The following IGHMBP2 variants were observed in gnomAD, a reference collection of about 807,000 sequenced individuals.
IGHMBP2 encodes immunoglobulin mu DNA binding protein 2.
A neutral mutation model predicts 96.0 loss-of-function variants in IGHMBP2; 81 were observed. That is an observed-to-expected ratio of 0.84 (90% CI 0.71 to 1.01). The LOEUF (loss-of-function observed/expected upper bound fraction) is 1.01, where lower values mean the gene tolerates loss of function less well. Among genes scored for constraint, IGHMBP2 ranks in the 50% least tolerant of loss-of-function variants. The probability of loss-of-function intolerance (pLI) is 0.00; values close to 1 mark genes in which losing one functional copy is unlikely to be tolerated. For missense variants in IGHMBP2, 1,227 were observed against 1,306.3 expected (o/e 0.94, Z 0.94); for synonymous variants, 557 against 548.9 (o/e 1.01, Z -0.21).
rs142133560 is a variant in IGHMBP2, at chr11:68,907,866, T to C, written c.257-279T>C. Reference sequence around the variant, plus strand: ...CACCACGCCTGGCTAATTTTTTGTATTTTTAGTAGAGACGGGCTTTCACTG... The same window carrying C: ...CACCACGCCTGGCTAATTTTTTGTACTTTTAGTAGAGACGGGCTTTCACTG... On this transcript the variant is annotated intron_variant, in intron 2 of 14. Coordinates refer to ENST00000255078, the MANE Select transcript of IGHMBP2 (RefSeq NM_002180.3). 0.018 allele frequency among the ~76,000 whole-genome samples: 2,792 copies of C among 152,202 alleles called. 47 individuals carry two copies. The highest frequency in any genetic ancestry group is 0.028 in the Non-Finnish European group (1,917 of 67,992).
chr11:68,939,282 C>T (rs1300762476), intron 14 of IGHMBP2, among the ~76,000 whole-genome samples: 3 of 152,004 alleles, frequency 2.0e-5, no homozygotes, highest in East Asian at 3.9e-4. Flanking sequence ...GGGAAGTGGC[C>T]GCAGGGACCG....
intron 11 of IGHMBP2, among the ~76,000 whole-genome samples, 183 bp downstream of exon 11, chr11:68,934,741 C>T (rs1024048597): frequency 2.6e-5 from 4 of 152,188 alleles, no homozygotes; most frequent in African/African-American, 9.7e-5. Context: ...TGTTCGTCTG[C>T]CCGCCCCACC....
At chr11:68,938,105 T>C in intron 13 of IGHMBP2, 77 bp from the exon 14 acceptor site, 1 of 1,500,188 alleles carries the variant, frequency 6.7e-7, no homozygotes. Context: ...TGCTTAGCCA[T>C]GAATTGATTT....
chr11:68,916,362 G>A (rs1341180857), intron 6 of IGHMBP2, among the ~76,000 whole-genome samples: 2 of 152,140 alleles, frequency 1.3e-5, no homozygotes, highest in African/African-American at 2.4e-5. Flanking sequence ...TAGGGTGGTG[G>A]TAGGTTTCTT....
intron 8 of IGHMBP2, among the ~76,000 whole-genome samples, chr11:68,931,360 T>G (rs1470552824): frequency 2.0e-5 from 3 of 152,108 alleles, no homozygotes; most frequent in Non-Finnish European, 4.4e-5. Context: ...GCCAGGCTCC[T>G]GCTTGTTCCC....
At chr11:68,909,241 A>G (rs1858336693) in intron 4 of IGHMBP2, among the ~76,000 whole-genome samples, 1 of 138,560 alleles carries the variant, frequency 7.2e-6, no homozygotes, top group African/African-American at 2.7e-5. Flanking sequence ...GTATAGTGGC[A>G]TGATCTTGGC....
intron 8 of IGHMBP2, among the ~76,000 whole-genome samples, chr11:68,932,088 G>A (rs371783880): frequency 2.0e-5 from 3 of 147,936 alleles, no homozygotes; most frequent in African/African-American, 7.5e-5. Context: ...ATTGGGTGGC[G>A]TTCCCTGGAG....
At chr11:68,910,655 C>T (rs1044077566) in intron 4 of IGHMBP2, among the ~76,000 whole-genome samples, 16 of 152,118 alleles carry the variant, frequency 1.1e-4, no homozygotes, top group Middle Eastern at 6.8e-3. Context: ...AGGCTGAGGC[C>T]GGCAGATCAT....
chr11:68,930,361 C>G (rs1034015928), intron 8 of IGHMBP2: 1 of 1,289,696 alleles, frequency 7.8e-7, no homozygotes, highest in Middle Eastern at 2.1e-4. Flanking sequence ...TTCCGAGGAC[C>G]GGAAGAAGAT....
At chr11:68,919,508 C>G (rs1377228763) in intron 7 of IGHMBP2, among the ~76,000 whole-genome samples, 1 of 152,202 alleles carries the variant, frequency 6.6e-6, no homozygotes, top group African/African-American at 2.4e-5. Flanking sequence ...GATAGTTCAT[C>G]GAGACTTACT....
At chr11:68,932,023 G>A (rs1453481096) in intron 8 of IGHMBP2, among the ~76,000 whole-genome samples, 3 of 149,142 alleles carry the variant, frequency 2.0e-5, no homozygotes, top group Admixed American at 6.7e-5. Context: ...GGATGGTTTC[G>A]GGGAAAACAT....
intron 5 of IGHMBP2, among the ~76,000 whole-genome samples, chr11:68,912,478 T>A (rs1419128688): frequency 6.6e-6 from 1 of 151,882 alleles, no homozygotes. Context: ...ATCATCTGCA[T>A]CAGCTTGAGT....
Position 68,917,840 on chromosome 11 carries a change from C to T in IGHMBP2, c.1017C>T (p.Leu339=), listed in dbSNP as rs757319859. 4.3e-6 allele frequency: 7 copies of T among 1,613,994 alleles called. No individual in the cohort carries two copies. The highest frequency in any genetic ancestry group is 1.3e-5 in the African/African-American group (1 of 74,912). Residue 339 remains leucine (L), a synonymous_variant, in exon 7 of 15, where the codon CTC becomes CTT. Coordinates refer to ENST00000255078, the MANE Select transcript of IGHMBP2 (RefSeq NM_002180.3). ...ELKEREEAAM[L]ESLTSANVVL... ...AGGAGAGGGAAGAAGCAGCTATGCT[C>T]GAGAGCCTCACTTCGGCAAACGTGG... is the stretch of plus-strand genomic sequence containing the variant.
chr11:68,939,122 G>C (rs7105839), intron 14 of IGHMBP2, among the ~76,000 whole-genome samples: 108 of 152,296 alleles, frequency 7.1e-4, no homozygotes, highest in African/African-American at 2.6e-3. Context: ...CAGATGGCTA[G>C]AGTTGAGGCT....
At chr11:68,910,771 T>A (rs1161198804) in intron 4 of IGHMBP2, among the ~76,000 whole-genome samples, 1 of 151,630 alleles carries the variant, frequency 6.6e-6, no homozygotes, top group Non-Finnish European at 1.5e-5. Context: ...TAGTCCCAGC[T>A]ACTCTGGAGG....
chr11:68,926,217 A>C (rs1318312831), intron 7 of IGHMBP2: 1 of 144,918 alleles, frequency 6.9e-6, no homozygotes, highest in Non-Finnish European at 1.5e-5. Flanking sequence ...GAATCCTTCT[A>C]GTGAATTTCA....
At chr11:68,906,001 C>A in intron 1 of IGHMBP2, 68 bp from the exon 2 acceptor site, 1 of 1,469,300 alleles carries the variant, frequency 6.8e-7, no homozygotes, top group Non-Finnish European at 9.5e-7. Context: ...TTCTCTTTTA[C>A]TTTTCCTGGG....
At chr11:68,905,189 C>G (rs1369013554) in intron 1 of IGHMBP2, among the ~76,000 whole-genome samples, 1 of 152,164 alleles carries the variant, frequency 6.6e-6, no homozygotes, top group African/African-American at 2.4e-5. Flanking sequence ...CAGTGTAGCC[C>G]GATTTGCTGT....
Position 68,929,422 on chromosome 11 carries a change from GCCAGGAGCCCCAGGCTCA to G in IGHMBP2, c.1235+77_1235+94del, listed in dbSNP as rs1414384838. ...CCCTCCTGCGGTCCTTCCACGCTCA[GCCAGGAGCCCCAGGCTCA>G]CCAGGAGCCCCTGCGGTGCCTCCTC... On this transcript the variant is annotated intron_variant, in intron 8 of 14. Transcript: ENST00000255078. The G allele has an allele frequency of 1.7e-5, 26 of 1,493,622 alleles. No homozygotes were observed. The East Asian group carries it at 1.8e-4, about 10-fold the overall frequency. 92.5% of individuals were successfully genotyped at this position (1,493,622 alleles called of 1,614,324 possible).
Sources: gnomAD v4.1 joint callset for allele counts (sites outside exome capture counted in the v4.1 genomes callset) on GRCh38, gnomAD v4.1.1 for gene constraint, MANE v1.5 for transcripts, NCBI Gene and HGNC (gene_info 2026-07-23, HGNC 2026-07-21) for gene names.